SLC2A14: variants seen among roughly 807,000 people sequenced by gnomAD.
SLC2A14 encodes the protein solute carrier family 2, facilitated glucose transporter member 14.
In SLC2A14, 13 loss-of-function variants were observed where a neutral mutation model predicts 43.0. The ratio of observed to expected loss-of-function variants is 0.30; its 90% CI spans 0.20 to 0.48. SLC2A14 has a LOEUF of 0.48. Among genes scored for constraint, SLC2A14 ranks in the 20% least tolerant of loss-of-function variants. The pLI is 0.99. For missense variants in SLC2A14, 428 were observed against 620.4 expected (o/e 0.69, Z 3.29); for synonymous variants, 190 against 233.8 (o/e 0.81, Z 1.71).
In SLC2A14 at chr12:7,817,742, ATAT is replaced by A. The variant is rs774047270; in HGVS notation, c.1275+86_1275+88del. 6,819 of 1,125,270 alleles carry A rather than the reference ATAT, an allele frequency of 6.1e-3. 279 individuals carry two copies. The East Asian group carries it at 0.09, about 15-fold the overall frequency. 69.7% of individuals were successfully genotyped at this position (1,125,270 alleles called of 1,614,324 possible). ...CAGGGCGAGACTCAGTCTCAAAAAT[ATAT>A]ATATATATAGATAGATAGATAGATA... On this transcript the variant is annotated intron_variant, in intron 10 of 10. Coordinates refer to ENST00000431042, the MANE Select transcript of SLC2A14 (RefSeq NM_001286234.2).
At chr12:7,875,010 A>T (rs1592325376), upstream of SLC2A14, among the ~76,000 whole-genome samples, 62 of 109,864 alleles carry the variant, frequency 5.6e-4, no homozygotes, top group South Asian at 2.1e-3. Context: ...AAATACATAT[A>T]TAAAAATTAT....
At chr12:7,860,057 G>A (rs1054670343) in intron 2 of SLC2A14, among the ~76,000 whole-genome samples, 5 of 152,156 alleles carry the variant, frequency 3.3e-5, no homozygotes, top group South Asian at 2.1e-4. Flanking sequence ...CCGTTGCTGT[G>A]GTGCTAGTAA....
intron 6 of SLC2A14, among the ~76,000 whole-genome samples, chr12:7,827,941 C>T (rs148357186): frequency 5.3e-5 from 8 of 152,130 alleles, no homozygotes; most frequent in African/African-American, 1.9e-4. Flanking sequence ...AGTTTGAGAC[C>T]AGCCTGGCCA....
chr12:7,830,464 TA>T (rs1864927296), intron 4 of SLC2A14, among the ~76,000 whole-genome samples: 1 of 152,136 alleles, frequency 6.6e-6, no homozygotes, highest in South Asian at 2.1e-4. Flanking sequence ...TTTTACTTTC[TA>T]TTATCAGAAC....
chr12:7,883,414 C>A (rs1203920574), intron 1 of SLC2A14, among the ~76,000 whole-genome samples: 1 of 150,284 alleles, frequency 6.7e-6, no homozygotes, highest in African/African-American at 2.4e-5. Context: ...TTACAGGCGC[C>A]CGCCACCATG....
intron 1 of SLC2A14, among the ~76,000 whole-genome samples, chr12:7,887,560 GATA>G (rs1169659834): frequency 0.037 from 122 of 3,274 alleles, 1 homozygote; most frequent in Middle Eastern, 0.1. Flanking sequence ...AGATAAATCA[GATA>G]GATAGATAGA....
chr12:7,886,339 A>T (rs898506638), intron 1 of SLC2A14, among the ~76,000 whole-genome samples: 9 of 128,964 alleles, frequency 7.0e-5, no homozygotes, highest in African/African-American at 2.9e-5. Flanking sequence ...TTAAATTTTT[A>T]AAATTTATTT....
At chr12:7,835,260 G>A (rs1156956066) in intron 2 of SLC2A14, among the ~76,000 whole-genome samples, 9 of 152,112 alleles carry the variant, frequency 5.9e-5, no homozygotes, top group African/African-American at 1.9e-4. Flanking sequence ...GATGGCGTGC[G>A]CCTGTAGTCC....
intron 2 of SLC2A14, chr12:7,863,336 C>T (rs886909828): frequency 6.9e-5 from 31 of 452,240 alleles, no homozygotes; most frequent in Non-Finnish European, 1.3e-4. Context: ...GGAGGGACTC[C>T]AGACGCACCA....
At chr12:7,868,768 G>A (rs1202706365) in intron 2 of SLC2A14, among the ~76,000 whole-genome samples, 1 of 152,182 alleles carries the variant, frequency 6.6e-6, no homozygotes, top group Non-Finnish European at 1.5e-5. Flanking sequence ...AGCATTTTGG[G>A]AGGCCGAGGC....
rs569448418 is a variant in SLC2A14, at chr12:7,882,223, A to G, written c.132+8773T>C. ...TTGAAGCCGGTAAGACCAGAAGCCC[A>G]CCGGGAGAAACGAACGATTCCAGAC... On this transcript the variant is annotated intron_variant, in intron 1 of 9. Transcript: ENST00000539924. 2.0e-5 allele frequency among the ~76,000 whole-genome samples: 3 copies of G among 152,076 alleles called. No homozygotes were observed. The East Asian group carries it at 5.8e-4, about 29-fold the overall frequency.
At chr12:7,855,025 G>T (rs1219677673) in intron 2 of SLC2A14, among the ~76,000 whole-genome samples, 2 of 151,862 alleles carry the variant, frequency 1.3e-5, no homozygotes. Context: ...GGCGAGGCTG[G>T]TCTTGAACTC....
chr12:7,834,759 C>T (rs1865307001), intron 2 of SLC2A14, among the ~76,000 whole-genome samples: 1 of 151,954 alleles, frequency 6.6e-6, no homozygotes, highest in Non-Finnish European at 1.5e-5. Flanking sequence ...GACAAGTGTT[C>T]CTTGGGCAAA....
chr12:7,861,167 G>A (rs1322004801), intron 2 of SLC2A14, among the ~76,000 whole-genome samples: 1 of 152,128 alleles, frequency 6.6e-6, no homozygotes, highest in African/African-American at 2.4e-5. Context: ...AGAGAGAGGG[G>A]AGATGTGAAG....
chr12:7,812,551 TCAAA>T lies in SLC2A14; in HGVS notation c.*1761_*1764del, dbSNP rs990903189. The T allele has an allele frequency of 8.6e-5, 13 of 152,024 alleles. No individual in the cohort carries two copies. Among genetic ancestry groups the T allele is most frequent in the South Asian group, 2.1e-4 (1 of 4,832 alleles). The allele number at this position is 152,024 out of a possible 1,614,324, so 9.4% of individuals were successfully genotyped here. Reference sequence around the variant, plus strand: ...AGAATTTTTATTTTAAAACAAAGAATCAAACAAACAATAATGGAAAATCCATATG... The same window carrying T: ...AGAATTTTTATTTTAAAACAAAGAATCAAACAATAATGGAAAATCCATATG... On this transcript the variant is annotated 3_prime_UTR_variant, in exon 11 of 11. Transcript: ENST00000431042.
chr12:7,822,382 T>C (rs982695368), intron 7 of SLC2A14, among the ~76,000 whole-genome samples: 1 of 151,876 alleles, frequency 6.6e-6, no homozygotes, highest in Non-Finnish European at 1.5e-5. Flanking sequence ...TATATGAAGG[T>C]GTAGGCTGGG....
intron 2 of SLC2A14, among the ~76,000 whole-genome samples, chr12:7,868,501 C>A (rs1357381338): frequency 6.6e-6 from 1 of 152,146 alleles, no homozygotes; most frequent in Non-Finnish European, 1.5e-5. Flanking sequence ...CATTTTCTAT[C>A]CCTTTATCTT....
intron 2 of SLC2A14, among the ~76,000 whole-genome samples, chr12:7,834,027 T>C (rs1323648953): frequency 6.9e-6 from 1 of 145,372 alleles, no homozygotes; most frequent in Non-Finnish European, 1.5e-5. Context: ...GGCTGAAAGC[T>C]TCAGTAGAAC....
At chr12:7,865,146 A>G (rs947419345) in intron 2 of SLC2A14, among the ~76,000 whole-genome samples, 3 of 152,138 alleles carry the variant, frequency 2.0e-5, no homozygotes, top group Non-Finnish European at 2.9e-5. Flanking sequence ...CGTTATTATT[A>G]TATCTGTTAT....
Sources: allele counts gnomAD v4.1 joint callset (sites outside exome capture counted in the v4.1 genomes callset), GRCh38; gene constraint gnomAD v4.1.1; transcripts MANE v1.5; gene names NCBI Gene and HGNC (gene_info 2026-07-23, HGNC 2026-07-21).